Variants in KALRN observed in about 807,000 individuals in gnomAD.
KALRN encodes the protein kalirin.
A neutral mutation model predicts 353.7 loss-of-function variants in KALRN; 70 were observed. That is an observed-to-expected ratio of 0.20 (90% CI 0.16 to 0.24). The LOEUF is 0.24. Ranked by LOEUF, KALRN falls within the 10% of genes least tolerant of loss-of-function variation. The pLI, the probability that KALRN is intolerant of heterozygous loss-of-function variation, is 1.00. For missense variants in KALRN, 2,791 were observed against 3,756.7 expected (o/e 0.74, Z 6.72); for synonymous variants, 1,391 against 1,434.8 (o/e 0.97, Z 0.69).
chr3:124,543,452 T>C (rs2069277241), intron 33 of KALRN, among the ~76,000 whole-genome samples: 1 of 151,764 alleles, frequency 6.6e-6, no homozygotes. Flanking sequence ...CAGGCACCCA[T>C]CACCACGCCC....
chr3:124,596,562 G>C (rs546675338), intron 34 of KALRN, among the ~76,000 whole-genome samples: 1 of 151,990 alleles, frequency 6.6e-6, no homozygotes, highest in Non-Finnish European at 1.5e-5. Context: ...TTATTTTTTT[G>C]TACCAAGTCT....
chr3:124,422,500 C>A (rs570839241), intron 14 of KALRN, among the ~76,000 whole-genome samples: 1 of 152,188 alleles, frequency 6.6e-6, no homozygotes, highest in South Asian at 2.1e-4. Flanking sequence ...GCAAATCCCC[C>A]AGCAGGAATT....
At chr3:124,297,053 A>G (rs2076905189) in intron 5 of KALRN, among the ~76,000 whole-genome samples, 1 of 152,204 alleles carries the variant, frequency 6.6e-6, no homozygotes, top group Non-Finnish European at 1.5e-5. Context: ...AGTCCATGTC[A>G]ACTTTCCACA....
chr3:124,260,623 C>G (rs2072710021), intron 3 of KALRN, among the ~76,000 whole-genome samples: 1 of 151,948 alleles, frequency 6.6e-6, no homozygotes. Flanking sequence ...GTTTCAGATA[C>G]TAGGAGCTTG....
intron 51 of KALRN, among the ~76,000 whole-genome samples, chr3:124,689,513 A>G (rs1282205427): frequency 6.6e-6 from 1 of 152,098 alleles, no homozygotes; most frequent in Non-Finnish European, 1.5e-5. Context: ...CACAACCACT[A>G]TTTTGGATTC....
chr3:124,645,531 T>C (rs2082592979), intron 37 of KALRN, among the ~76,000 whole-genome samples: 1 of 152,212 alleles, frequency 6.6e-6, no homozygotes, highest in African/African-American at 2.4e-5. Context: ...GGGTCCACTT[T>C]CAGTTTTCTG....
intron 2 of KALRN, among the ~76,000 whole-genome samples, chr3:124,233,991 A>G (rs2079471571): frequency 6.6e-6 from 1 of 152,224 alleles, no homozygotes; most frequent in Non-Finnish European, 1.5e-5. Context: ...ACATTTTAAA[A>G]TCATGTAATA....
At chr3:124,590,115 C>G (rs1189895183) in intron 34 of KALRN, among the ~76,000 whole-genome samples, 1 of 152,104 alleles carries the variant, frequency 6.6e-6, no homozygotes, top group South Asian at 2.1e-4. Context: ...GTCTTCAACC[C>G]GAATCCTATG....
intron 33 of KALRN, among the ~76,000 whole-genome samples, chr3:124,513,058 C>T (rs1023849003): frequency 1.3e-5 from 2 of 152,034 alleles, no homozygotes; most frequent in African/African-American, 4.8e-5. Flanking sequence ...GGCAGTCAGA[C>T]AGTGAATTCA....
intron 36 of KALRN, among the ~76,000 whole-genome samples, chr3:124,636,846 C>G (rs561745841): frequency 9.9e-4 from 151 of 152,296 alleles, no homozygotes; most frequent in Non-Finnish European, 1.8e-3. Flanking sequence ...GTGTAGTGGC[C>G]AAAGTCTCGT....
intron 1 of KALRN, among the ~76,000 whole-genome samples, chr3:124,192,544 CG>C (rs2075035405): frequency 6.6e-6 from 1 of 152,060 alleles, no homozygotes; most frequent in Non-Finnish European, 1.5e-5. Flanking sequence ...ATTTGTAACT[CG>C]AAGGATAAAT....
chr3:124,102,613 G>C lies in KALRN; in HGVS notation c.73+68800G>C, dbSNP rs57977324. Among the ~76,000 whole-genome samples the C allele has an allele frequency of 6.5e-3, 989 of 152,320 alleles. 6 individuals carry two copies. Among genetic ancestry groups the C allele is most frequent in the African/African-American group, 0.021 (868 of 41,564 alleles). ...TTTGGTACCAGTAAGTACTCAGTAA[G>C]TATGTGCTTGTTTTCTGAATTTTTG... On this transcript the variant is annotated intron_variant, in intron 1 of 59. Coordinates refer to ENST00000682506, the MANE Select transcript of KALRN (RefSeq NM_001388419.1).
intron 57 of KALRN, among the ~76,000 whole-genome samples, chr3:124,703,213 A>G (rs1386344267): frequency 6.6e-6 from 1 of 152,194 alleles, no homozygotes; most frequent in African/African-American, 2.4e-5. Flanking sequence ...AGGAGTCACA[A>G]TATCATTCAC....
At chr3:124,519,149 C>A in intron 33 of KALRN, 2 of 985,486 alleles carry the variant, frequency 2.0e-6, no homozygotes, top group South Asian at 9.4e-5. Context: ...GTTCAAAGAC[C>A]ACCCTACCAG....
intron 1 of KALRN, among the ~76,000 whole-genome samples, chr3:124,037,923 G>A (rs76321017): frequency 3.3e-5 from 5 of 152,090 alleles, no homozygotes; most frequent in Admixed American, 6.5e-5. Flanking sequence ...TGAAGCATGG[G>A]GGGGGCGACT....
intron 3 of KALRN, among the ~76,000 whole-genome samples, chr3:124,241,755 T>C (rs1017592863): frequency 1.3e-5 from 2 of 152,194 alleles, no homozygotes; most frequent in African/African-American, 2.4e-5. Flanking sequence ...TTGAACCCAG[T>C]GCTCTGGCCT....
chr3:124,594,121 T>C (rs369396093), intron 34 of KALRN, among the ~76,000 whole-genome samples: 2 of 152,368 alleles, frequency 1.3e-5, no homozygotes, highest in African/African-American at 4.8e-5. Context: ...TACTATATTC[T>C]TTTCCGTATG....
intron 34 of KALRN, among the ~76,000 whole-genome samples, chr3:124,567,845 T>C (rs544028638): frequency 3.9e-5 from 6 of 152,290 alleles, no homozygotes; most frequent in South Asian, 2.1e-4. Context: ...CATAGTGGCA[T>C]GCACCTGTAG....
intron 1 of KALRN, among the ~76,000 whole-genome samples, chr3:124,148,447 A>G (rs958315696): frequency 2.6e-5 from 4 of 152,222 alleles, no homozygotes; most frequent in Non-Finnish European, 4.4e-5. Context: ...GCAGCCAGGT[A>G]TGAAACCCCT....
Sources: allele counts gnomAD v4.1 joint callset (sites outside exome capture counted in the v4.1 genomes callset), GRCh38; gene constraint gnomAD v4.1.1; transcripts MANE v1.5; gene names NCBI Gene and HGNC (gene_info 2026-07-23, HGNC 2026-07-21).